Variants in PWWP2B observed in about 807,000 individuals in gnomAD.
PWWP2B encodes the protein PWWP domain containing 2B.
In PWWP2B, 9 loss-of-function variants were observed where a neutral mutation model predicts 15.5. The observed-to-expected ratio is 0.58, with a 90% CI of 0.35 to 1.02. The LOEUF (loss-of-function observed/expected upper bound fraction) is 1.02. PWWP2B is among the 50% of genes least tolerant of loss of function. The pLI, the probability that PWWP2B is intolerant of heterozygous loss-of-function variation, is 0.02. For synonymous variants in PWWP2B, 474 were observed against 403.6 expected (o/e 1.17, Z -2.09); for missense variants, 864 against 865.3 (o/e 1.00, Z 0.02).
chr10:132,410,591 C>T lies in PWWP2B; in HGVS notation c.*16+4302C>T, dbSNP rs562333882. Among the ~76,000 whole-genome samples the T allele has an allele frequency of 2.6e-5, 4 of 152,194 alleles. No individual in the cohort carries two copies. The South Asian group carries it at 6.2e-4, about 24-fold the overall frequency. Reference sequence around the variant, plus strand: ...GAGGGGGGCGTGCCCAGAGGGGCGGCGGGCTGCCTGGTGTTTTGGGAGCCA... The same window carrying T: ...GAGGGGGGCGTGCCCAGAGGGGCGGTGGGCTGCCTGGTGTTTTGGGAGCCA... On this transcript the variant is annotated intron_variant, in intron 2 of 2. Coordinates refer to ENST00000305233, the MANE Select transcript of PWWP2B (RefSeq NM_138499.4).
intron 1 of PWWP2B, among the ~76,000 whole-genome samples, chr10:132,397,579 G>T (rs1040171353): frequency 6.7e-6 from 1 of 150,168 alleles, no homozygotes; most frequent in Non-Finnish European, 1.5e-5. Flanking sequence ...GCCGGGCCGG[G>T]GCGGGCCGGG....
rs2069686554 is a variant in PWWP2B, at chr10:132,405,642, C to T, written c.1142C>T (p.Ser381Phe). 1 of 1,612,414 alleles carries T rather than the reference C, an allele frequency of 6.2e-7. No homozygotes were observed. The highest frequency in any genetic ancestry group is 8.5e-7 in the Non-Finnish European group (1 of 1,179,880). The change falls in exon 2 of 3, where the codon TCT becomes TTT. Residue 381 changes from serine (S) to phenylalanine (F), a missense_variant. Coordinates refer to ENST00000305233, the MANE Select transcript of PWWP2B (RefSeq NM_138499.4). Reference protein sequence around the residue: ...DGPAGGLADLSSGSSGEDDDF... With the variant: ...DGPAGGLADLFSGSSGEDDDF... ...CCTGCCGGTGGGCTGGCGGACTTGT[C>T]TTCTGGAAGTTCGGGTGAGGACGAT...
chr10:132,397,366 G>T lies in PWWP2B; in HGVS notation c.125+15G>T. The stretch of plus-strand genomic sequence containing the variant: ...TGCACGAAAAAGTGAGCGGGGGCGC[G>T]GGCCGGGACACCCCCGGGGTCCCCA... On this transcript the variant is annotated intron_variant, in intron 1 of 2. Coordinates refer to ENST00000305233, the MANE Select transcript of PWWP2B (RefSeq NM_138499.4). 1 of 1,297,088 alleles carries T rather than the reference G, an allele frequency of 7.7e-7. No individual in the cohort carries two copies. Among genetic ancestry groups the T allele is most frequent in the Non-Finnish European group, 9.9e-7 (1 of 1,012,924 alleles). The allele number at this position is 1,297,088 out of a possible 1,614,324, so 80.3% of individuals were successfully genotyped here. A position where few individuals can be genotyped will look rare whatever the true frequency, so the allele number is the denominator to read the frequency against.
At chr10:132,406,729 CCCT>C (rs1362728093) in intron 2 of PWWP2B, among the ~76,000 whole-genome samples, 7 of 152,190 alleles carry the variant, frequency 4.6e-5, no homozygotes, top group Admixed American at 3.3e-4. Context: ...GCGGGCATCT[CCCT>C]CCTCCTGCAC....
chr10:132,411,824 C>G (rs1400359543), intron 2 of PWWP2B, among the ~76,000 whole-genome samples: 2 of 152,250 alleles, frequency 1.3e-5, no homozygotes, highest in Non-Finnish European at 2.9e-5. Flanking sequence ...CCTTTTAGAA[C>G]AGCGTCCTTG....
intron 2 of PWWP2B, among the ~76,000 whole-genome samples, chr10:132,415,939 C>T (rs1191665286): frequency 1.3e-5 from 2 of 152,228 alleles, no homozygotes; most frequent in African/African-American, 4.8e-5. Flanking sequence ...TCCCCTCTTA[C>T]ATTCATGCTC....
At position 132,417,344 on chromosome 10, in the gene PWWP2B, G is replaced by T; in HGVS notation, c.*300G>T. 1.9e-6 allele frequency: 1 copy of T among 515,264 alleles called. No individual in the cohort carries two copies. The allele number at this position is 515,264 out of a possible 1,614,324, so 31.9% of individuals were successfully genotyped here. A position where few individuals can be genotyped will look rare whatever the true frequency, so the allele number is the denominator to read the frequency against. Reference sequence around the variant, plus strand: ...TGGCTGCTGGCTGCTGCTGCCTCGCGCGCTGGGGTTCCATGGAGGAACTGG... The same window carrying T: ...TGGCTGCTGGCTGCTGCTGCCTCGCTCGCTGGGGTTCCATGGAGGAACTGG... On this transcript the variant is annotated 3_prime_UTR_variant, in exon 3 of 3. Transcript: ENST00000305233.
At chr10:132,408,605 C>T (rs1231442458) in intron 2 of PWWP2B, among the ~76,000 whole-genome samples, 6 of 152,218 alleles carry the variant, frequency 3.9e-5, no homozygotes, top group African/African-American at 9.6e-5. Context: ...TGGCCCCAGC[C>T]GCTCCTGCAG....
chr10:132,412,077 C>G (rs929373309), intron 2 of PWWP2B, among the ~76,000 whole-genome samples: 14 of 152,228 alleles, frequency 9.2e-5, no homozygotes, highest in Admixed American at 5.2e-4. Context: ...CGGTCCTTGC[C>G]GCTTCCTCCC....
intron 1 of PWWP2B, among the ~76,000 whole-genome samples, chr10:132,397,629 C>T (rs1444267222): frequency 1.3e-5 from 2 of 151,922 alleles, no homozygotes; most frequent in African/African-American, 4.8e-5. Context: ...CTCCACACAT[C>T]TGCCATAATT....
rs965289685 is a variant in PWWP2B at position 132,405,225 on chromosome 10, C to A, written c.725C>A (p.Ala242Asp). The A allele has an allele frequency of 4.4e-6, 7 of 1,600,580 alleles. No individual in the cohort carries two copies. Among genetic ancestry groups the A allele is most frequent in the Non-Finnish European group, 5.1e-6 (6 of 1,174,962 alleles). ...AGGGAGAGGCGCGAGGAGGACAGGG[C>A]CCCGGCAGAGCAGGTCCCGCGGAGC... ...SKRERREEDR[A>D]PAEQVPRSPV... The change falls in exon 2 of 3, where the codon GCC becomes GAC. Residue 242 changes from alanine to aspartate, a missense_variant. Ala to Asp is a moderately radical substitution (Grantham distance 126). Transcript: ENST00000305233.
chr10:132,407,945 C>T (rs61865567), intron 2 of PWWP2B, among the ~76,000 whole-genome samples: 10,169 of 152,306 alleles, frequency 0.067, 565 homozygotes, highest in African/African-American at 0.14. Flanking sequence ...CATCCCCCCA[C>T]GCAGGACGTC....
chr10:132,408,500 G>A lies in PWWP2B; in HGVS notation c.*16+2211G>A, dbSNP rs529099883. The stretch of plus-strand genomic sequence containing the variant: ...TGCTGGCCATGCCCGAGGGAGGGGC[G>A]GGAGGAGGAGGCTGGTGTGGGGGCT... On this transcript the variant is annotated intron_variant, in intron 2 of 2. Transcript: ENST00000305233. Among the ~76,000 whole-genome samples the A allele has an allele frequency of 5.8e-4, 89 of 152,332 alleles. 1 individual carries two copies. In the South Asian group the frequency reaches 0.01, roughly 17 times the overall value.
chr10:132,412,068 G>A (rs2069788679), intron 2 of PWWP2B, among the ~76,000 whole-genome samples: 1 of 152,330 alleles, frequency 6.6e-6, no homozygotes, highest in Middle Eastern at 3.4e-3. Flanking sequence ...CCGGGCAGCC[G>A]GTCCTTGCCG....
At position 132,404,789 on chromosome 10, in the gene PWWP2B, A is replaced by ACCCCCCCCCACCCCCCCCC; in HGVS notation, c.292_293insCCCCCCACCCCCCCCCCCC (p.Arg98ProfsTer88). ...CCGCGGGGTTCAGCCCCCCGAGACC[A>ACCCCCCCCCACCCCCCCCC]CCCGCCCCGAGCCACCCCCGCCCCT... On this transcript the variant is annotated frameshift_variant, in exon 2 of 3. Transcript: ENST00000305233. LOFTEE classifies it high-confidence loss of function. 1 of 1,300,700 alleles carries ACCCCCCCCCACCCCCCCCC rather than the reference A, an allele frequency of 7.7e-7. No individual in the cohort carries two copies. Among genetic ancestry groups the ACCCCCCCCCACCCCCCCCC allele is most frequent in the Non-Finnish European group, 1.0e-6 (1 of 966,758 alleles). 80.6% of individuals were successfully genotyped at this position (1,300,700 alleles called of 1,614,324 possible). A position where few individuals can be genotyped will look rare whatever the true frequency, so the allele number is the denominator to read the frequency against.
chr10:132,402,541 G>C (rs1221002838), intron 1 of PWWP2B, among the ~76,000 whole-genome samples: 1 of 152,274 alleles, frequency 6.6e-6, no homozygotes, highest in Admixed American at 6.5e-5. Context: ...GAGTGTGCAT[G>C]CACATGGACG....
chr10:132,406,976 C>T (rs1329712815), intron 2 of PWWP2B, among the ~76,000 whole-genome samples: 1 of 152,208 alleles, frequency 6.6e-6, no homozygotes, highest in Non-Finnish European at 1.5e-5. Flanking sequence ...GTCTCACTGT[C>T]GGCCTCTACT....
intron 1 of PWWP2B, among the ~76,000 whole-genome samples, chr10:132,397,906 C>G (rs1426203071): frequency 6.6e-6 from 1 of 152,072 alleles, no homozygotes; most frequent in Non-Finnish European, 1.5e-5. Flanking sequence ...TGAAGAGGTA[C>G]AAGCTGTGGG....
chr10:132,403,693 C>T (rs959686318), intron 1 of PWWP2B, among the ~76,000 whole-genome samples: 3 of 152,254 alleles, frequency 2.0e-5, no homozygotes, highest in East Asian at 1.9e-4. Context: ...GCAGGCTGCC[C>T]GGCCCAGCGA....
Sources: gnomAD v4.1 joint callset for allele counts (sites outside exome capture counted in the v4.1 genomes callset) on GRCh38, gnomAD v4.1.1 for gene constraint, MANE v1.5 for transcripts, NCBI Gene and HGNC (gene_info 2026-07-23, HGNC 2026-07-21) for gene names.